ROBO1: variants seen among roughly 807,000 people sequenced by gnomAD.
The protein encoded by ROBO1 is roundabout guidance receptor 1, also known as roundabout homolog 1.
In ROBO1, 149 loss-of-function variants were observed where a neutral mutation model predicts 195.9. The ratio of observed to expected loss-of-function variants is 0.76; its 90% CI spans 0.67 to 0.87. The LOEUF is 0.87. Ranked by LOEUF, ROBO1 falls within the 40% of genes least tolerant of loss-of-function variation. The pLI is 0.00. For missense variants in ROBO1, 1,933 were observed against 2,068.3 expected (o/e 0.93, Z 1.27); for synonymous variants, 816 against 733.2 (o/e 1.11, Z -1.82).
At chr3:79,194,759 C>A (rs1216635161) in intron 2 of ROBO1, among the ~76,000 whole-genome samples, 3 of 151,462 alleles carry the variant, frequency 2.0e-5, no homozygotes, top group African/African-American at 7.3e-5. Context: ...TTATTCTTTA[C>A]AGGTATGTAG....
intron 2 of ROBO1, among the ~76,000 whole-genome samples, chr3:79,536,026 G>C (rs965854770): frequency 1.3e-5 from 2 of 151,872 alleles, no homozygotes; most frequent in Non-Finnish European, 2.9e-5. Context: ...ATACATCTTG[G>C]AGATCTATCA....
In ROBO1 at chr3:79,146,559, T is replaced by C. The variant is rs141207345; in HGVS notation, c.89-21020A>G. ...TGTGCATGTATATATAACATACATA[T>C]ATACATACATATGCATATATCCTGG... On this transcript the variant is annotated intron_variant, in intron 2 of 30. Coordinates refer to ENST00000464233, the MANE Select transcript of ROBO1 (RefSeq NM_002941.4). 9.0e-4 allele frequency among the ~76,000 whole-genome samples: 137 copies of C among 152,090 alleles called. 1 individual carries two copies. Among genetic ancestry groups the C allele is most frequent in the East Asian group, 5.0e-3 (26 of 5,164 alleles).
intron 3 of ROBO1, among the ~76,000 whole-genome samples, chr3:79,034,861 A>G (rs1177145192): frequency 6.6e-6 from 1 of 152,152 alleles, no homozygotes; most frequent in Non-Finnish European, 1.5e-5. Flanking sequence ...AGGATACCAC[A>G]TTAAAAAATA....
Position 79,602,947 on chromosome 3 carries a change from G to A in ROBO1, c.-50-12986C>T, listed in dbSNP as rs76031640. Among the ~76,000 whole-genome samples the A allele has an allele frequency of 9.4e-3, 1,436 of 151,958 alleles. 15 individuals are homozygous for A. Among genetic ancestry groups the A allele is most frequent in the Middle Eastern group, 0.055 (16 of 292 alleles). ...AGATCTTGGCTCAACTCTTTTAATA[G>A]CGATATTAGCCATAAATACATAACT... is the stretch of plus-strand genomic sequence containing the variant. On this transcript the variant is annotated intron_variant, in intron 1 of 30. Transcript: ENST00000464233.
Position 78,771,788 on chromosome 3 carries a change from T to C in ROBO1, c.500-24888A>G, listed in dbSNP as rs1243089262. ...TTTATCAGTTCCAGGAGTCTTTTGGTAGAGTCTTTAGGGTTTTCTAGGTAT... is the reference window on the plus strand; with the variant it reads ...TTTATCAGTTCCAGGAGTCTTTTGGCAGAGTCTTTAGGGTTTTCTAGGTAT... On this transcript the variant is annotated intron_variant, in intron 4 of 30. Coordinates refer to ENST00000464233, the MANE Select transcript of ROBO1 (RefSeq NM_002941.4). 3.3e-5 allele frequency among the ~76,000 whole-genome samples: 5 copies of C among 152,244 alleles called. No individual in the cohort carries two copies. The South Asian group carries it at 1.0e-3, about 32-fold the overall frequency.
intron 2 of ROBO1, among the ~76,000 whole-genome samples, chr3:79,483,945 G>A (rs4564923): frequency 0.3 from 45,657 of 151,960 alleles, 7,133 homozygotes; most frequent in East Asian, 0.35. Context: ...AAAGAAAAGC[G>A]TGGGTCTGAC....
rs71631648 is a variant in ROBO1, at chr3:79,395,340, A to AAAAAAGAAAGAAAGAAAG, written c.88+194483_88+194484insCTTTCTTTCTTTCTTTTT. Among the ~76,000 whole-genome samples, 410 of 118,930 alleles carry AAAAAAGAAAGAAAGAAAG rather than the reference A, an allele frequency of 3.4e-3. 5 individuals are homozygous for AAAAAAGAAAGAAAGAAAG. The highest frequency in any genetic ancestry group is 0.012 in the African/African-American group (379 of 32,214). The allele number at this position is 118,930 out of a possible 152,430, so 78.0% of individuals were successfully genotyped here. On this transcript the variant is annotated intron_variant, in intron 2 of 30. Transcript: ENST00000464233. Reference sequence around the variant, plus strand: ...CCGTCTCAAAAAAAAAAAAAAAAAAAAAAGAAAGAAAGAAAGAAAGAAAGA... The same window carrying AAAAAAGAAAGAAAGAAAG: ...CCGTCTCAAAAAAAAAAAAAAAAAAAAAAAAGAAAGAAAGAAAGAAAGAAAGAAAGAAAGAAAGAAAGA...
At chr3:78,953,619 G>A (rs2040898858) in intron 3 of ROBO1, among the ~76,000 whole-genome samples, 1 of 151,924 alleles carries the variant, frequency 6.6e-6, no homozygotes, top group Admixed American at 6.6e-5. Context: ...GAAGAAACTG[G>A]AATCAAAGGA....
chr3:78,851,129 T>C (rs758727958), intron 4 of ROBO1, among the ~76,000 whole-genome samples: 1 of 152,146 alleles, frequency 6.6e-6, no homozygotes, highest in Non-Finnish European at 1.5e-5. Flanking sequence ...TTTCTTTGTG[T>C]CATTTTTTGT....
intron 2 of ROBO1, among the ~76,000 whole-genome samples, chr3:79,295,107 C>T (rs1442456605): frequency 1.3e-5 from 2 of 152,136 alleles, no homozygotes; most frequent in East Asian, 3.9e-4. Flanking sequence ...GGTATATACC[C>T]AAAGGAATAT....
chr3:79,224,671 ACTT>A (rs1422456406), intron 2 of ROBO1, among the ~76,000 whole-genome samples: 1 of 152,168 alleles, frequency 6.6e-6, no homozygotes, highest in Admixed American at 6.5e-5. Context: ...TATTTTTGTA[ACTT>A]CTTTTTTGGA....
At chr3:79,121,683 G>A (rs1220727525) in intron 3 of ROBO1, among the ~76,000 whole-genome samples, 1 of 151,626 alleles carries the variant, frequency 6.6e-6, no homozygotes, top group Admixed American at 6.6e-5. Context: ...GTAAATATAG[G>A]CACCTATTCC....
At chr3:79,009,381 A>G (rs377244059) in intron 3 of ROBO1, among the ~76,000 whole-genome samples, 12 of 152,140 alleles carry the variant, frequency 7.9e-5, no homozygotes, top group African/African-American at 2.7e-4. Context: ...TTCAATCTTC[A>G]TTTAAGCCTT....
At chr3:79,406,652 G>A (rs531814037) in intron 2 of ROBO1, among the ~76,000 whole-genome samples, 70 of 151,872 alleles carry the variant, frequency 4.6e-4, no homozygotes, top group Middle Eastern at 6.8e-3. Flanking sequence ...CTAAAGATAA[G>A]GTGTTTCAGC....
intron 3 of ROBO1, among the ~76,000 whole-genome samples, chr3:79,013,665 A>C (rs2077845926): frequency 6.6e-6 from 1 of 152,226 alleles, no homozygotes; most frequent in Admixed American, 6.5e-5. Flanking sequence ...GCTTGGTTCA[A>C]ATCCCTGCTG....
At chr3:79,046,608 A>G (rs1471149602) in intron 3 of ROBO1, among the ~76,000 whole-genome samples, 2 of 152,140 alleles carry the variant, frequency 1.3e-5, no homozygotes, top group African/African-American at 2.4e-5. Flanking sequence ...AAGGGCAGGA[A>G]GCATCCAGCA....
intron 2 of ROBO1, among the ~76,000 whole-genome samples, chr3:79,340,150 G>T (rs2034850061): frequency 6.6e-6 from 1 of 152,154 alleles, no homozygotes; most frequent in African/African-American, 2.4e-5. Flanking sequence ...ATGCCAATCT[G>T]CTGGCCTTTC....
intron 28 of ROBO1, among the ~76,000 whole-genome samples, chr3:78,610,368 A>G (rs940778569): frequency 6.6e-6 from 1 of 152,220 alleles, no homozygotes; most frequent in Non-Finnish European, 1.5e-5. Context: ...TGTATCAAGT[A>G]GCCTAAAGCC....
At chr3:79,264,059 C>A (rs963828487) in intron 2 of ROBO1, among the ~76,000 whole-genome samples, 2 of 152,034 alleles carry the variant, frequency 1.3e-5, no homozygotes, top group Non-Finnish European at 2.9e-5. Context: ...TAAGCTTTCA[C>A]ACATGCCCTA....
Sources: allele counts gnomAD v4.1 joint callset (sites outside exome capture counted in the v4.1 genomes callset), GRCh38; gene constraint gnomAD v4.1.1; transcripts MANE v1.5; gene names NCBI Gene and HGNC (gene_info 2026-07-23, HGNC 2026-07-21).